Variants in DMD observed in about 807,000 individuals in gnomAD.
DMD encodes the protein mutant dystrophin.
A neutral mutation model predicts 330.1 loss-of-function variants in DMD; 63 were observed. The observed-to-expected ratio is 0.19, with a 90% CI of 0.16 to 0.24. DMD has a LOEUF of 0.24. DMD is among the 10% of genes least tolerant of loss of function. DMD has a pLI of 1.00. For missense variants in DMD, 3,344 were observed against 2,684.1 expected, an observed-to-expected ratio of 1.25 and a Z score of -5.43; for synonymous variants, 1,223 against 959.8, an observed-to-expected ratio of 1.27 and a Z score of -5.07.
chrX:31,376,921 AC>A (rs1343904476), intron 60 of DMD, among the ~76,000 whole-genome samples: 1 of 112,042 alleles, frequency 8.9e-6, no homozygotes, highest in Non-Finnish European at 1.9e-5. Context: ...TGCGGTTCTA[AC>A]CCAGCAAAAT....
In DMD at chrX:32,800,165, T is replaced by C. The variant is rs759695238; in HGVS notation, c.649+9328A>G. ...CCTAAGGGGCATAACTAATTTAAAA[T>C]GAAATTTCTTTGGAGAGTAGCCAAC... On this transcript the variant is annotated intron_variant, in intron 7 of 78. Coordinates refer to ENST00000357033, the MANE Select transcript of DMD (RefSeq NM_004006.3). Among the ~76,000 whole-genome samples, 262 of 112,215 alleles carry C rather than the reference T, an allele frequency of 2.3e-3. 3 individuals carry two copies. Among genetic ancestry groups the C allele is most frequent in the Non-Finnish European group, 2.8e-3 (149 of 53,223 alleles).
intron 17 of DMD, among the ~76,000 whole-genome samples, chrX:32,530,699 G>A: frequency 8.9e-6 from 1 of 111,933 alleles, no homozygotes; most frequent in African/African-American, 3.2e-5. Flanking sequence ...TGACCCAGAG[G>A]ATGGGAAATA....
intron 44 of DMD, among the ~76,000 whole-genome samples, chrX:32,181,829 A>G (rs2096928025): frequency 9.0e-6 from 1 of 111,438 alleles, no homozygotes; most frequent in Non-Finnish European, 1.9e-5. Context: ...GATAGCTTAG[A>G]TTCCTCTCTG....
chrX:32,206,886 T>C (rs1250955416), intron 44 of DMD: 1 of 310,640 alleles, frequency 3.2e-6, no homozygotes, highest in African/African-American at 2.7e-5. Flanking sequence ...GCCAAGAATG[T>C]GTTGTCCAAA....
chrX:31,709,584 C>CTGTG (rs55768943), intron 52 of DMD, among the ~76,000 whole-genome samples: 7,488 of 93,883 alleles, frequency 0.08, 454 homozygotes, highest in Admixed American at 0.25. Flanking sequence ...CTCTCTCTGT[C>CTGTG]TGTGTGTGTG....
intron 48 of DMD, among the ~76,000 whole-genome samples, chrX:31,863,268 A>G (rs776464967): frequency 1.4e-4 from 16 of 112,354 alleles, no homozygotes; most frequent in African/African-American, 3.9e-4. Flanking sequence ...GCGTGAACCC[A>G]GGAGGCGGAG....
chrX:31,833,810 C>T (rs765669710), intron 49 of DMD, among the ~76,000 whole-genome samples: 1 of 111,209 alleles, frequency 9.0e-6, no homozygotes, highest in East Asian at 2.8e-4. Context: ...GAATTGCTCC[C>T]TGATGTGTCT....
chrX:33,170,488 T>C (rs186008972), intron 1 of DMD, among the ~76,000 whole-genome samples: 76 of 111,572 alleles, frequency 6.8e-4, no homozygotes, highest in African/African-American at 2.4e-3. Context: ...AATAGAACTA[T>C]GATCCAAGCC....
intron 29 of DMD, among the ~76,000 whole-genome samples, chrX:32,430,125 T>C (rs1005163281): frequency 2.7e-5 from 3 of 111,392 alleles, no homozygotes; most frequent in African/African-American, 9.8e-5. Flanking sequence ...TTGAAAATAT[T>C]TTCCATTGCT....
At chrX:31,346,537 A>C (rs2058082969) in intron 61 of DMD, among the ~76,000 whole-genome samples, 1 of 111,587 alleles carries the variant, frequency 9.0e-6, no homozygotes, top group Non-Finnish European at 1.9e-5. Context: ...GTATAAATTA[A>C]CATTAATCAG....
At chrX:31,478,425 A>T (rs1469019021) in intron 58 of DMD, 51 bp from the exon 59 acceptor site, 2 of 1,198,763 alleles carry the variant, frequency 1.7e-6, no homozygotes, top group Admixed American at 4.4e-5. Flanking sequence ...TTTTTTAAAC[A>T]TTGTCAAAAA....
intron 2 of DMD, among the ~76,000 whole-genome samples, chrX:33,009,303 T>TAC (rs1557205422): frequency 2.6e-5 from 1 of 38,700 alleles, no homozygotes; most frequent in Non-Finnish European, 6.3e-5. Flanking sequence ...TATGTGTATA[T>TAC]ACACATGTGT....
At chrX:32,240,474 T>C (rs754676277) in intron 43 of DMD, among the ~76,000 whole-genome samples, 36 of 106,763 alleles carry the variant, frequency 3.4e-4, no homozygotes, top group Non-Finnish European at 5.9e-4. Context: ...AGTGCCTTGA[T>C]CTTGAACTTC....
intron 43 of DMD, among the ~76,000 whole-genome samples, chrX:32,233,390 T>C (rs2097175354): frequency 9.0e-6 from 1 of 111,000 alleles, no homozygotes; most frequent in African/African-American, 3.3e-5. Flanking sequence ...CAAGGGCTAG[T>C]TGGGCAAGAT....
rs145837791 is a variant in DMD, at chrX:32,114,389, T to C, written c.6438+102527A>G. On this transcript the variant is annotated intron_variant, in intron 44 of 78. Coordinates refer to ENST00000357033, the MANE Select transcript of DMD (RefSeq NM_004006.3). ...AGAATCTTTGAATATATACTTTTAC[T>C]CATTTTATGATCGCCTGTTCCTCCA... Among the ~76,000 whole-genome samples the C allele has an allele frequency of 3.4e-3, 386 of 112,013 alleles. 2 individuals carry two copies. Among genetic ancestry groups the C allele is most frequent in the African/African-American group, 0.012 (361 of 30,862 alleles).
At chrX:32,376,592 G>A (rs1015377010) in intron 34 of DMD, among the ~76,000 whole-genome samples, 1 of 111,241 alleles carries the variant, frequency 9.0e-6, no homozygotes, top group Non-Finnish European at 1.9e-5. Context: ...AAGAAATGAA[G>A]GAACAGCAAG....
intron 45 of DMD, among the ~76,000 whole-genome samples, chrX:31,944,121 G>T (rs186154752): frequency 6.6e-4 from 74 of 111,711 alleles, no homozygotes; most frequent in African/African-American, 2.3e-3. Context: ...CCTTAAATGT[G>T]GTCTGGGGAC....
chrX:32,495,722 G>GT (rs1343694263), intron 19 of DMD, among the ~76,000 whole-genome samples: 1 of 111,481 alleles, frequency 9.0e-6, no homozygotes, highest in Non-Finnish European at 1.9e-5. Context: ...ATATATAATT[G>GT]TTTTATATGT....
intron 30 of DMD, among the ~76,000 whole-genome samples, chrX:32,405,560 C>T (rs1006705642): frequency 5.4e-5 from 6 of 111,202 alleles, no homozygotes; most frequent in South Asian, 3.8e-4. Context: ...TAAAATCTCT[C>T]ATTAAATGAG....
Sources: allele counts gnomAD v4.1 joint callset (sites outside exome capture counted in the v4.1 genomes callset), GRCh38; gene constraint gnomAD v4.1.1; transcripts MANE v1.5; gene names NCBI Gene and HGNC (gene_info 2026-07-23, HGNC 2026-07-21).